Variants in NALF1 observed in about 807,000 individuals in gnomAD.
The protein encoded by NALF1 is family with sequence similarity 155 member A.
A neutral mutation model predicts 48.4 loss-of-function variants in NALF1; 3 were observed. The observed-to-expected ratio is 0.06, with a 90% CI of 0.03 to 0.16. The LOEUF is 0.16. NALF1 is among the 10% of genes least tolerant of loss of function. NALF1 has a pLI of 1.00. For synonymous variants in NALF1, 262 were observed against 245.7 expected (o/e 1.07, Z -0.62); for missense variants, 526 against 571.5 (o/e 0.92, Z 0.81).
chr13:107,327,809 C>G (rs1440952365), intron 1 of NALF1, among the ~76,000 whole-genome samples: 1 of 152,156 alleles, frequency 6.6e-6, no homozygotes, highest in African/African-American at 2.4e-5. Flanking sequence ...ATCCTGGTGA[C>G]TGATTATGGG....
chr13:107,267,829 T>C (rs1375153886), intron 1 of NALF1, among the ~76,000 whole-genome samples: 2 of 152,100 alleles, frequency 1.3e-5, no homozygotes, highest in Admixed American at 6.5e-5. Flanking sequence ...ATAACCGCGA[T>C]GGCTACTAAG....
intron 1 of NALF1, among the ~76,000 whole-genome samples, chr13:107,615,121 T>A (rs9559100): frequency 0.33 from 50,896 of 152,072 alleles, 9,385 homozygotes; most frequent in East Asian, 0.51. Context: ...CTGAATATGA[T>A]GCCAACATTA....
chr13:107,182,226 C>CTG (rs148923366), intron 2 of NALF1, among the ~76,000 whole-genome samples: 3,548 of 145,182 alleles, frequency 0.024, 62 homozygotes, highest in African/African-American at 0.038. Context: ...TTTATTTATG[C>CTG]TGTGTGTGTG....
chr13:107,428,951 G>A (rs1314886919), intron 1 of NALF1, among the ~76,000 whole-genome samples: 1 of 152,180 alleles, frequency 6.6e-6, no homozygotes, highest in Non-Finnish European at 1.5e-5. Context: ...TGCTTAATAT[G>A]AATAGATTAT....
intron 1 of NALF1, among the ~76,000 whole-genome samples, chr13:107,629,100 A>G (rs1691111791): frequency 6.6e-6 from 1 of 152,206 alleles, no homozygotes; most frequent in Non-Finnish European, 1.5e-5. Flanking sequence ...ATTAAATTTC[A>G]TAAGACTAAT....
At chr13:107,858,755 C>A (rs1260828175) in intron 1 of NALF1, among the ~76,000 whole-genome samples, 2 of 152,132 alleles carry the variant, frequency 1.3e-5, no homozygotes, top group South Asian at 4.1e-4. Flanking sequence ...TCCTCACATT[C>A]CCCATCTGTA....
intron 1 of NALF1, among the ~76,000 whole-genome samples, chr13:107,400,054 A>G (rs1883778544): frequency 6.6e-6 from 1 of 152,132 alleles, no homozygotes. Context: ...CTTCCATGAC[A>G]TTAACTTAAT....
At chr13:107,755,028 T>C (rs1370857668) in intron 1 of NALF1, among the ~76,000 whole-genome samples, 1 of 152,204 alleles carries the variant, frequency 6.6e-6, no homozygotes, top group Non-Finnish European at 1.5e-5. Flanking sequence ...AGTAACTGTG[T>C]AATAAAATTT....
intron 1 of NALF1, among the ~76,000 whole-genome samples, chr13:107,730,002 T>C (rs1214764050): frequency 2.6e-5 from 4 of 152,110 alleles, no homozygotes; most frequent in Non-Finnish European, 5.9e-5. Context: ...TCTTGGCCAA[T>C]ATAATAAAAG....
At chr13:107,806,298 G>A (rs1290237400) in intron 1 of NALF1, among the ~76,000 whole-genome samples, 1 of 152,032 alleles carries the variant, frequency 6.6e-6, no homozygotes, top group Non-Finnish European at 1.5e-5. Context: ...TCAATTGTGA[G>A]GAAGATGAAA....
At chr13:107,236,663 A>ATCTG (rs199721704) in intron 1 of NALF1, among the ~76,000 whole-genome samples, 2,971 of 137,854 alleles carry the variant, frequency 0.022, 57 homozygotes, top group East Asian at 0.059. Context: ...CTATCTATCC[A>ATCTG]TCTGTCTGTC....
chr13:107,711,876 A>C (rs1875603753), intron 1 of NALF1, among the ~76,000 whole-genome samples: 1 of 152,196 alleles, frequency 6.6e-6, no homozygotes, highest in South Asian at 2.1e-4. Flanking sequence ...TTAATAGGAA[A>C]CATGCTTGAT....
chr13:107,207,399 C>T (rs938619530), intron 2 of NALF1, among the ~76,000 whole-genome samples: 1 of 152,114 alleles, frequency 6.6e-6, no homozygotes, highest in African/African-American at 2.4e-5. Flanking sequence ...AGGAGACGGA[C>T]ATCCAAAAAT....
chr13:107,865,295 C>G (rs1025440578), intron 1 of NALF1, among the ~76,000 whole-genome samples: 2 of 152,208 alleles, frequency 1.3e-5, no homozygotes, highest in Admixed American at 6.5e-5. Flanking sequence ...GTCTCGAACT[C>G]TTCTGACTTT....
intron 1 of NALF1, among the ~76,000 whole-genome samples, chr13:107,309,050 G>A (rs540437662): frequency 1.2e-4 from 19 of 152,248 alleles, no homozygotes; most frequent in Middle Eastern, 3.4e-3. Flanking sequence ...CTACAATGGC[G>A]CTATTCCAAT....
intron 1 of NALF1, among the ~76,000 whole-genome samples, chr13:107,855,827 T>C (rs1167971034): frequency 1.3e-5 from 2 of 152,228 alleles, no homozygotes; most frequent in South Asian, 2.1e-4. Context: ...TGTTGAATTT[T>C]TGTGGGGAAT....
At chr13:107,471,180 C>T (rs545774612) in intron 1 of NALF1, among the ~76,000 whole-genome samples, 6 of 152,278 alleles carry the variant, frequency 3.9e-5, no homozygotes, top group Non-Finnish European at 7.3e-5. Context: ...GCGCATAACG[C>T]TATTTATTGC....
At chr13:107,718,061 T>G (rs955177580) in intron 1 of NALF1, among the ~76,000 whole-genome samples, 22 of 152,146 alleles carry the variant, frequency 1.4e-4, no homozygotes, top group Admixed American at 1.1e-3. Flanking sequence ...GGAACCAGAT[T>G]GGAAACCAGG....
chr13:107,284,628 G>A (rs1176533346), intron 1 of NALF1, among the ~76,000 whole-genome samples: 4 of 152,094 alleles, frequency 2.6e-5, no homozygotes, highest in Non-Finnish European at 5.9e-5. Flanking sequence ...GATGGCATTC[G>A]GAGATGGGGC....
Sources: gnomAD v4.1 joint callset for allele counts (sites outside exome capture counted in the v4.1 genomes callset) on GRCh38, gnomAD v4.1.1 for gene constraint, MANE v1.5 for transcripts, NCBI Gene and HGNC (gene_info 2026-07-23, HGNC 2026-07-21) for gene names.